EDARADD: variants seen among roughly 807,000 people sequenced by gnomAD.
EDARADD encodes EDAR associated via death domain.
A neutral mutation model predicts 25.6 loss-of-function variants in EDARADD; 20 were observed. The observed-to-expected ratio is 0.78, with a 90% CI of 0.55 to 1.14. EDARADD has a LOEUF of 1.14. EDARADD is among the 50% of genes most tolerant of loss of function. The pLI is 0.00. For synonymous variants in EDARADD, 86 were observed against 94.4 expected, an observed-to-expected ratio of 0.91 and a Z score of 0.52; for missense variants, 225 against 270.1, an observed-to-expected ratio of 0.83 and a Z score of 1.17.
At chr1:236,444,541 C>G (rs1426046724) in intron 4 of EDARADD, among the ~76,000 whole-genome samples, 1 of 152,164 alleles carries the variant, frequency 6.6e-6, no homozygotes, top group Non-Finnish European at 1.5e-5. Context: ...CCTGCCTCAG[C>G]CTTCTGAGTA....
chr1:236,459,211 G>T (rs1658969940), intron 4 of EDARADD, among the ~76,000 whole-genome samples: 1 of 152,054 alleles, frequency 6.6e-6, no homozygotes, highest in Non-Finnish European at 1.5e-5. Flanking sequence ...AAATAGACAG[G>T]TGCAAAAACT....
At chr1:236,408,449 C>T (rs898419776) in intron 1 of EDARADD, among the ~76,000 whole-genome samples, 2 of 152,162 alleles carry the variant, frequency 1.3e-5, no homozygotes, top group Admixed American at 1.3e-4. Context: ...GGTGATCTGC[C>T]CGGCTTGGCC....
intron 4 of EDARADD, among the ~76,000 whole-genome samples, chr1:236,448,811 G>A (rs2103026043): frequency 6.6e-6 from 1 of 152,246 alleles, no homozygotes; most frequent in East Asian, 1.9e-4. Context: ...GAAGTGGAAG[G>A]AGCTGTATCA....
At chr1:236,437,994 C>T (rs1324234194) in intron 4 of EDARADD, among the ~76,000 whole-genome samples, 18 of 152,124 alleles carry the variant, frequency 1.2e-4, no homozygotes, top group Admixed American at 1.1e-3. Flanking sequence ...GTGATCCGCC[C>T]ACCTTGCGCC....
intron 3 of EDARADD, among the ~76,000 whole-genome samples, chr1:236,378,173 A>C (rs925269802): frequency 6.6e-6 from 1 of 152,168 alleles, no homozygotes; most frequent in Non-Finnish European, 1.5e-5. Flanking sequence ...CCTCCAGGCC[A>C]GTTAATTTCT....
intron 1 of EDARADD, among the ~76,000 whole-genome samples, chr1:236,407,266 G>C (rs983150702): frequency 6.6e-6 from 1 of 152,162 alleles, no homozygotes; most frequent in Non-Finnish European, 1.5e-5. Context: ...GTCCCCGGGG[G>C]TTAGGCTGCT....
Position 236,483,977 on chromosome 1 carries a change from C to G in EDARADD, c.*1328C>G. 7.3e-7 allele frequency: 1 copy of G among 1,369,076 alleles called. No homozygotes were observed. Among genetic ancestry groups the G allele is most frequent in the Non-Finnish European group, 1.0e-6 (1 of 958,928 alleles). 84.8% of individuals were successfully genotyped at this position (1,369,076 alleles called of 1,614,324 possible). On this transcript the variant is annotated 3_prime_UTR_variant, in exon 6 of 6. Coordinates refer to ENST00000334232, the MANE Select transcript of EDARADD (RefSeq NM_145861.4). ...TTCTCGACGACCCCACCAGGTACAT[C>G]TCACCTGACTGTCTGGCTGACCTGT...
At chr1:236,355,594 C>T (rs954748877) in intron 3 of EDARADD, among the ~76,000 whole-genome samples, 3 of 145,222 alleles carry the variant, frequency 2.1e-5, no homozygotes, top group Non-Finnish European at 4.5e-5. Flanking sequence ...ACTGCAACCT[C>T]AGTCTCCCGG....
At chr1:236,425,633 C>T (rs970113555) in intron 3 of EDARADD, among the ~76,000 whole-genome samples, 55 of 152,246 alleles carry the variant, frequency 3.6e-4, no homozygotes, top group African/African-American at 1.1e-3. Flanking sequence ...AAGCAGCAAC[C>T]GGTTAGGGGG....
At chr1:236,428,013 C>T (rs10925122) in intron 4 of EDARADD, among the ~76,000 whole-genome samples, 4,449 of 149,644 alleles carry the variant, frequency 0.03, 225 homozygotes, top group African/African-American at 0.1. Flanking sequence ...TTGGGTGTTT[C>T]ACAGAGAGGG....
intron 3 of EDARADD, among the ~76,000 whole-genome samples, chr1:236,372,760 ATTGT>A: frequency 6.6e-6 from 1 of 152,192 alleles, no homozygotes; most frequent in Non-Finnish European, 1.5e-5. Flanking sequence ...GCTTATTCAA[ATTGT>A]TTCTCCTTAT....
chr1:236,389,412 C>T (rs1250426512), upstream of EDARADD, among the ~76,000 whole-genome samples: 2 of 152,178 alleles, frequency 1.3e-5, no homozygotes, highest in Non-Finnish European at 2.9e-5. Flanking sequence ...CCAAACACTG[C>T]TCATGCTTCT....
Position 236,466,883 on chromosome 1 carries a change from A to G in EDARADD, c.220-1348A>G, listed in dbSNP as rs1308455860. Among the ~76,000 whole-genome samples the G allele has an allele frequency of 5.9e-5, 9 of 152,206 alleles. No individual in the cohort carries two copies. The South Asian group carries it at 1.0e-3, about 17-fold the overall frequency. ...GGAGTTCGAGACCATCCCGGCCAAC[A>G]TGGTGAAACCCTGTCTCTGCTAAAA... On this transcript the variant is annotated intron_variant, in intron 4 of 5. Transcript: ENST00000334232.
intron 4 of EDARADD, among the ~76,000 whole-genome samples, chr1:236,460,401 G>T (rs1487036754): frequency 6.6e-6 from 1 of 151,784 alleles, no homozygotes; most frequent in Non-Finnish European, 1.5e-5. Flanking sequence ...GCCCCGGCTG[G>T]TTTTGAACTT....
chr1:236,456,224 A>C (rs1658860731), intron 4 of EDARADD, among the ~76,000 whole-genome samples: 1 of 152,154 alleles, frequency 6.6e-6, no homozygotes, highest in African/African-American at 2.4e-5. Flanking sequence ...GAACGGAAGC[A>C]TCGCGGATCT....
chr1:236,431,106 C>A lies in EDARADD; in HGVS notation c.219+3656C>A, dbSNP rs573742074. Reference sequence around the variant, plus strand: ...CTCCAGCCTAGGTGACAGAGTGAGACCCTGTCTTAAAATAAATAAATAAAT... The same window carrying A: ...CTCCAGCCTAGGTGACAGAGTGAGAACCTGTCTTAAAATAAATAAATAAAT... On this transcript the variant is annotated intron_variant, in intron 4 of 5. Transcript: ENST00000334232. 7.5e-5 allele frequency among the ~76,000 whole-genome samples: 11 copies of A among 146,524 alleles called. 2 individuals carry two copies. In the South Asian group the frequency reaches 2.5e-3, roughly 33 times the overall value.
intron 3 of EDARADD, among the ~76,000 whole-genome samples, chr1:236,361,650 T>TATATA (rs1553262114): frequency 1.3e-5 from 2 of 149,124 alleles, no homozygotes; most frequent in South Asian, 2.1e-4. Context: ...TATATATATA[T>TATATA]TCCTTCATAC....
At position 236,483,318 on chromosome 1, in the gene EDARADD, AATG is replaced by A; in HGVS notation, c.*672_*674del. On this transcript the variant is annotated 3_prime_UTR_variant, in exon 6 of 6. Transcript: ENST00000334232. ...CTATGAGGTCCTAGAGCTCCAGGAC[AATG>A]ATAAGACTCGCTATATGGGGAAGGG... 1 of 1,597,590 alleles carries A rather than the reference AATG, an allele frequency of 6.3e-7. No individual in the cohort carries two copies. The highest frequency in any genetic ancestry group is 8.6e-7 in the Non-Finnish European group (1 of 1,167,628).
chr1:236,483,787 G>T lies in EDARADD; in HGVS notation c.*1138G>T, dbSNP rs1659752788. 1 of 1,462,918 alleles carries T rather than the reference G, an allele frequency of 6.8e-7. No individual in the cohort carries two copies. The highest frequency in any genetic ancestry group is 9.6e-7 in the Non-Finnish European group (1 of 1,044,398). The allele number at this position is 1,462,918 out of a possible 1,614,324, so 90.6% of individuals were successfully genotyped here. A position where few individuals can be genotyped will look rare whatever the true frequency, so the allele number is the denominator to read the frequency against. Reference sequence around the variant, plus strand: ...TATGGGAAAGATGCCACCGGTGTGGGGGATGGAGGCGCGTTTGCTCCCAAC... The same window carrying T: ...TATGGGAAAGATGCCACCGGTGTGGTGGATGGAGGCGCGTTTGCTCCCAAC... On this transcript the variant is annotated 3_prime_UTR_variant, in exon 6 of 6. Coordinates refer to ENST00000334232, the MANE Select transcript of EDARADD (RefSeq NM_145861.4).
Sources: allele counts gnomAD v4.1 joint callset (sites outside exome capture counted in the v4.1 genomes callset), GRCh38; gene constraint gnomAD v4.1.1; transcripts MANE v1.5; gene names NCBI Gene and HGNC (gene_info 2026-07-23, HGNC 2026-07-21).